HIPK2: variants seen among roughly 807,000 people sequenced by gnomAD.
The protein encoded by HIPK2 is homeodomain interacting protein kinase 2.
HIPK2 carries 27 observed loss-of-function variants against 113.7 expected under a neutral mutation model. The ratio of observed to expected loss-of-function variants is 0.24; its 90% CI spans 0.17 to 0.33. The LOEUF is 0.33. Among genes scored for constraint, HIPK2 ranks in the 10% least tolerant of loss-of-function variants. The probability of loss-of-function intolerance (pLI) is 1.00; values close to 1 mark genes in which losing one functional copy is unlikely to be tolerated. For missense variants in HIPK2, 1,257 were observed against 1,588.0 expected (o/e 0.79, Z 3.54); for synonymous variants, 631 against 642.2 (o/e 0.98, Z 0.26).
intron 2 of HIPK2, among the ~76,000 whole-genome samples, chr7:139,698,438 C>G (rs935708375): frequency 6.6e-6 from 1 of 152,044 alleles, no homozygotes; most frequent in Non-Finnish European, 1.5e-5. Context: ...AGTATTTGTT[C>G]GAGTCCTTGT....
chr7:139,656,951 A>G (rs1801692057), intron 2 of HIPK2, among the ~76,000 whole-genome samples: 1 of 151,176 alleles, frequency 6.6e-6, no homozygotes, highest in Non-Finnish European at 1.5e-5. Flanking sequence ...GCTCACTGCA[A>G]CCTCCACCTC....
chr7:139,680,142 C>T (rs1368726676), intron 2 of HIPK2, among the ~76,000 whole-genome samples: 1 of 152,288 alleles, frequency 6.6e-6, no homozygotes, highest in East Asian at 1.9e-4. Flanking sequence ...AAACAGAATT[C>T]AGCATAAGTT....
chr7:139,675,013 C>T (rs1381556837), intron 2 of HIPK2, among the ~76,000 whole-genome samples: 2 of 152,170 alleles, frequency 1.3e-5, no homozygotes, highest in Admixed American at 6.5e-5. Flanking sequence ...AACGTGCTCA[C>T]GTCTTGATTG....
chr7:139,708,749 C>G (rs1161899079), intron 2 of HIPK2, among the ~76,000 whole-genome samples: 1 of 152,192 alleles, frequency 6.6e-6, no homozygotes, highest in Non-Finnish European at 1.5e-5. Flanking sequence ...CTGCGTGTGC[C>G]TTGTGTCTTT....
At position 139,703,764 on chromosome 7, in the gene HIPK2, C is replaced by CT. The variant is rs1206400565; in HGVS notation, c.1103+12167_1103+12168insA. ...CGACACACACCACACACACACACACCCACACACTACACCCAACACACACCA... is the reference window on the plus strand; with the variant it reads ...CGACACACACCACACACACACACACCTCACACACTACACCCAACACACACCA... On this transcript the variant is annotated intron_variant, in intron 2 of 14. Coordinates refer to ENST00000406875, the MANE Select transcript of HIPK2 (RefSeq NM_022740.5). 9.0e-3 allele frequency among the ~76,000 whole-genome samples: 1,191 copies of CT among 131,900 alleles called. 16 individuals are homozygous for CT. Among genetic ancestry groups the CT allele is most frequent in the Admixed American group, 0.023 (300 of 12,994 alleles). The allele number at this position is 131,900 out of a possible 152,430, so 86.5% of individuals were successfully genotyped here. A position where few individuals can be genotyped will look rare whatever the true frequency, so the allele number is the denominator to read the frequency against.
At chr7:139,580,636 C>T (rs892034951) in intron 13 of HIPK2, among the ~76,000 whole-genome samples, 3 of 152,172 alleles carry the variant, frequency 2.0e-5, no homozygotes, top group African/African-American at 7.2e-5. Context: ...GGCAGGGGTG[C>T]TTACAGCACA....
chr7:139,575,063 T>C, intron 14 of HIPK2, 65 bp downstream of exon 14: 1 of 1,512,270 alleles, frequency 6.6e-7, no homozygotes. Context: ...AGCAATCCTC[T>C]CTGAAGCGGA....
At chr7:139,621,657 G>A (rs1296199978) in intron 6 of HIPK2, among the ~76,000 whole-genome samples, 1 of 152,010 alleles carries the variant, frequency 6.6e-6, no homozygotes, top group African/African-American at 2.4e-5. Context: ...GTCTGGGTGG[G>A]GTGGCTCACG....
chr7:139,752,443 C>A (rs1407922712), intron 1 of HIPK2, among the ~76,000 whole-genome samples: 1 of 152,204 alleles, frequency 6.6e-6, no homozygotes, highest in Non-Finnish European at 1.5e-5. Context: ...TATCACTACT[C>A]AACGTGTCTG....
At chr7:139,587,663 G>A (rs1798882162) in intron 12 of HIPK2, among the ~76,000 whole-genome samples, 1 of 151,928 alleles carries the variant, frequency 6.6e-6, no homozygotes, top group South Asian at 2.1e-4. Context: ...CCCAGCGCTT[G>A]AGGCCAGAAG....
intron 2 of HIPK2, among the ~76,000 whole-genome samples, chr7:139,700,237 C>A (rs1794669927): frequency 6.6e-6 from 1 of 152,126 alleles, no homozygotes; most frequent in African/African-American, 2.4e-5. Context: ...CACACCACAG[C>A]CTGGGGACCC....
chr7:139,719,776 G>A (rs1201859917), intron 1 of HIPK2, among the ~76,000 whole-genome samples: 1 of 152,112 alleles, frequency 6.6e-6, no homozygotes, highest in African/African-American at 2.4e-5. Flanking sequence ...AACATCTCTT[G>A]CATCCAATTC....
chr7:139,696,542 C>G (rs1794572952), intron 2 of HIPK2, among the ~76,000 whole-genome samples: 2 of 150,124 alleles, frequency 1.3e-5, no homozygotes. Context: ...GCGAGTGCAC[C>G]ACTATACTTT....
At chr7:139,623,428 T>G (rs1294452617) in intron 6 of HIPK2, among the ~76,000 whole-genome samples, 1 of 150,200 alleles carries the variant, frequency 6.7e-6, no homozygotes, top group African/African-American at 2.5e-5. Flanking sequence ...GAGAATCGCT[T>G]GAACCTGGGA....
At chr7:139,638,680 CAG>C (rs1462838243) in intron 2 of HIPK2, among the ~76,000 whole-genome samples, 2 of 124,362 alleles carry the variant, frequency 1.6e-5, no homozygotes, top group Middle Eastern at 4.1e-3. Flanking sequence ...TTTTTTGAGA[CAG>C]AGTCTCACTC....
chr7:139,690,856 A>G (rs1035694471), intron 2 of HIPK2, among the ~76,000 whole-genome samples: 1 of 152,076 alleles, frequency 6.6e-6, no homozygotes, highest in Admixed American at 6.5e-5. Context: ...CAGAATCATG[A>G]GCGAAATAAA....
chr7:139,692,421 T>C (rs1259662190), intron 2 of HIPK2, among the ~76,000 whole-genome samples: 1 of 152,176 alleles, frequency 6.6e-6, no homozygotes, highest in East Asian at 1.9e-4. Context: ...GGTATAGAGC[T>C]AGCTCTGTAT....
Position 139,731,948 on chromosome 7 carries a change from G to C in HIPK2, c.20-14933C>G, listed in dbSNP as rs536159869. Among the ~76,000 whole-genome samples, 22 of 152,184 alleles carry C rather than the reference G, an allele frequency of 1.4e-4. No homozygotes were observed. In the South Asian group the frequency reaches 3.5e-3, roughly 24 times the overall value. ...GGGAAAGGTACCACCTCCACAACTCGCAGGGAGAGGGAAGAGCAGGAAGAA... is the reference window on the plus strand; with the variant it reads ...GGGAAAGGTACCACCTCCACAACTCCCAGGGAGAGGGAAGAGCAGGAAGAA... On this transcript the variant is annotated intron_variant, in intron 1 of 14. Coordinates refer to ENST00000406875, the MANE Select transcript of HIPK2 (RefSeq NM_022740.5).
At chr7:139,730,879 C>T (rs991572274) in intron 1 of HIPK2, among the ~76,000 whole-genome samples, 4 of 152,104 alleles carry the variant, frequency 2.6e-5, no homozygotes, top group African/African-American at 7.2e-5. Flanking sequence ...ACACAGAGTG[C>T]GGGCCACACA....
Sources: gnomAD v4.1 joint callset for allele counts (sites outside exome capture counted in the v4.1 genomes callset) on GRCh38, gnomAD v4.1.1 for gene constraint, MANE v1.5 for transcripts, NCBI Gene and HGNC (gene_info 2026-07-23, HGNC 2026-07-21) for gene names.